Variants in SGCD observed in about 807,000 individuals in gnomAD.
SGCD encodes delta-sarcoglycan.
Under a neutral mutation model 36.6 loss-of-function variants are expected in SGCD, and 18 were observed. The observed-to-expected ratio is 0.49, with a 90% CI of 0.34 to 0.73. The LOEUF is 0.73. SGCD is among the 30% of genes least tolerant of loss of function. The pLI, the probability that SGCD is intolerant of heterozygous loss-of-function variation, is 0.01. For missense variants in SGCD, 387 were observed against 346.7 expected, an observed-to-expected ratio of 1.12 and a Z score of -0.92; for synonymous variants, 133 against 130.6, an observed-to-expected ratio of 1.02 and a Z score of -0.12.
In SGCD at chr5:156,279,139, T is replaced by G. The variant is rs563667939; in HGVS notation, c.-43-50395T>G. On this transcript the variant is annotated intron_variant, in intron 3 of 9. Coordinates refer to the SGCD transcript ENST00000517913. ...TTAGAAACCTGAACTAGAAGAATGT[T>G]TATTGGCTTTGTGTTCTGCATGTAG... is the stretch of plus-strand genomic sequence containing the variant. Among the ~76,000 whole-genome samples, 5 of 152,294 alleles carry G rather than the reference T, an allele frequency of 3.3e-5. No individual in the cohort carries two copies. In the South Asian group the frequency reaches 1.0e-3, roughly 32 times the overall value.
At chr5:156,056,072 A>G (rs1370618142) in intron 1 of SGCD, among the ~76,000 whole-genome samples, 1 of 146,546 alleles carries the variant, frequency 6.8e-6, no homozygotes, top group East Asian at 1.9e-4. Context: ...TTGAAGTCAG[A>G]TGCTGCTCTT....
At chr5:155,814,653 G>C in the SGCD span, among the ~76,000 whole-genome samples, 10,793 of 152,138 alleles carry the variant, frequency 0.071, 933 homozygotes, top group African/African-American at 0.21. Context: ...CATGGAGACA[G>C]AGGATGAGCA....
At chr5:156,332,044 A>T (rs567251908) in intron 2 of SGCD, among the ~76,000 whole-genome samples, 1 of 152,120 alleles carries the variant, frequency 6.6e-6, no homozygotes, top group South Asian at 2.1e-4. Context: ...CAAAGTCCTT[A>T]TCTGCTTCCC....
intron 4 of SGCD, among the ~76,000 whole-genome samples, chr5:156,572,860 A>T (rs1759778260): frequency 1.3e-5 from 2 of 152,134 alleles, no homozygotes. Context: ...TTTTCCTGTG[A>T]GAATTGACCT....
At chr5:156,140,597 T>C (rs966075395) in intron 3 of SGCD, among the ~76,000 whole-genome samples, 2 of 152,186 alleles carry the variant, frequency 1.3e-5, no homozygotes, top group African/African-American at 4.8e-5. Context: ...AGAATATCTC[T>C]AGGCGGAGTG....
At chr5:156,260,899 A>G (rs941089580) in intron 3 of SGCD, among the ~76,000 whole-genome samples, 1 of 152,126 alleles carries the variant, frequency 6.6e-6, no homozygotes, top group African/African-American at 2.4e-5. Flanking sequence ...GTTAAATATT[A>G]TGCCTTTCAA....
intron 7 of SGCD, among the ~76,000 whole-genome samples, chr5:156,697,460 C>G (rs912574711): frequency 3.3e-5 from 5 of 152,268 alleles, no homozygotes; most frequent in African/African-American, 9.6e-5. Flanking sequence ...TTGCCCCTCT[C>G]CCCCAAATCT....
intron 1 of SGCD, among the ~76,000 whole-genome samples, chr5:156,069,443 G>T (rs569074401): frequency 6.6e-6 from 1 of 152,156 alleles, no homozygotes; most frequent in Admixed American, 6.5e-5. Context: ...TAGATATGTG[G>T]CGTTATTTCT....
At position 156,711,274 on chromosome 5, in the gene SGCD, A is replaced by C; in HGVS notation, c.576-46307A>C. Among the ~76,000 whole-genome samples, 2 of 152,156 alleles carry C rather than the reference A, an allele frequency of 1.3e-5. 1 individual carries two copies. The highest frequency in any genetic ancestry group is 4.8e-5 in the African/African-American group (2 of 41,436). On this transcript the variant is annotated intron_variant, in intron 7 of 8. Coordinates refer to ENST00000337851, the MANE Select transcript of SGCD (RefSeq NM_000337.6). ...GCAGGTGCTTTACAGTGTTTTCCCC[A>C]TAGAGGCAGAGTTCTAGAATTTCCT...
chr5:155,973,776 T>G (rs1391237842), intron 1 of SGCD, among the ~76,000 whole-genome samples: 1 of 152,210 alleles, frequency 6.6e-6, no homozygotes, highest in Non-Finnish European at 1.5e-5. Flanking sequence ...TTGCAAAGCC[T>G]CAGTTCCTTT....
intron 7 of SGCD, among the ~76,000 whole-genome samples, chr5:156,710,027 A>G (rs1053175946): frequency 1.3e-5 from 2 of 152,064 alleles, no homozygotes; most frequent in African/African-American, 4.8e-5. Context: ...TTAGCATTGC[A>G]GCTGTGGGAT....
At chr5:156,311,875 C>G (rs187569751) in intron 3 of SGCD, among the ~76,000 whole-genome samples, 1 of 152,278 alleles carries the variant, frequency 6.6e-6, no homozygotes, top group African/African-American at 2.4e-5. Flanking sequence ...TTGCTGACAT[C>G]ATGTTAGTTA....
intron 1 of SGCD, among the ~76,000 whole-genome samples, chr5:155,906,237 T>G (rs1441172622): frequency 6.6e-6 from 1 of 152,114 alleles, no homozygotes; most frequent in African/African-American, 2.4e-5. Context: ...CTGCTCCACC[T>G]GCAGGCCGTT....
intron 1 of SGCD, among the ~76,000 whole-genome samples, chr5:156,327,546 T>C (rs1208911293): frequency 2.0e-5 from 3 of 152,244 alleles, no homozygotes; most frequent in Admixed American, 2.0e-4. Context: ...TAACTTTTCC[T>C]TTCTGCGTGG....
intron 3 of SGCD, among the ~76,000 whole-genome samples, chr5:156,245,713 G>T (rs543945069): frequency 6.6e-6 from 1 of 152,158 alleles, no homozygotes; most frequent in African/African-American, 2.4e-5. Flanking sequence ...CCATGGGGAT[G>T]CAACCAACCA....
the SGCD span, among the ~76,000 whole-genome samples, chr5:155,845,827 C>G: frequency 2.6e-5 from 4 of 152,156 alleles, no homozygotes; most frequent in African/African-American, 9.7e-5. Flanking sequence ...ACCTAGACCT[C>G]ACAGAGGACC....
chr5:156,518,287 A>C (rs1757265030), intron 4 of SGCD, among the ~76,000 whole-genome samples: 1 of 152,198 alleles, frequency 6.6e-6, no homozygotes, highest in Non-Finnish European at 1.5e-5. Flanking sequence ...AGAAAAGCTA[A>C]CTATCCTAAA....
rs1764759814 is a variant in SGCD, at chr5:156,223,095, G to A, written c.-44+99076G>A. Among the ~76,000 whole-genome samples, 6 of 152,210 alleles carry A rather than the reference G, an allele frequency of 3.9e-5. No individual in the cohort carries two copies. The South Asian group carries it at 1.2e-3, about 32-fold the overall frequency. ...GCCTTCTATTTGGAAGAATGTAAAG[G>A]GGAGTCTGTGGTTTGGCAGTGGGTG... On this transcript the variant is annotated intron_variant, in intron 3 of 9. Transcript: ENST00000517913.
chr5:156,121,219 A>G (rs1333711449), intron 2 of SGCD, among the ~76,000 whole-genome samples: 2 of 152,314 alleles, frequency 1.3e-5, no homozygotes, highest in Non-Finnish European at 2.9e-5. Flanking sequence ...CATGCAGAAT[A>G]TAAGCCTGCA....
Sources: gnomAD v4.1 joint callset for allele counts (sites outside exome capture counted in the v4.1 genomes callset) on GRCh38, gnomAD v4.1.1 for gene constraint, MANE v1.5 for transcripts, NCBI Gene and HGNC (gene_info 2026-07-23, HGNC 2026-07-21) for gene names.